ZNF469: variants seen among roughly 807,000 people sequenced by gnomAD.
ZNF469 encodes the protein zinc finger protein 469.
ZNF469 carries 1 observed loss-of-function variant against 1.0 expected under a neutral mutation model. That is an observed-to-expected ratio of 1.00 (90% CI 0.35 to 4.73). The LOEUF (loss-of-function observed/expected upper bound fraction) is 4.73. ZNF469 is among the 30% of genes most tolerant of loss of function. ZNF469 has a pLI of 0.16. For synonymous variants in ZNF469, 2,703 were observed against 2,363.4 expected, an observed-to-expected ratio of 1.14 and a Z score of -4.17; for missense variants, 6,100 against 5,356.3, an observed-to-expected ratio of 1.14 and a Z score of -4.33.
the ZNF469 span, among the ~76,000 whole-genome samples, chr16:88,220,454 A>G: frequency 1.3e-5 from 2 of 152,162 alleles, no homozygotes; most frequent in Non-Finnish European, 2.9e-5. Flanking sequence ...TCTTGCCCGG[A>G]TGAAGTGTGC....
intron 1 of ZNF469, among the ~76,000 whole-genome samples, chr16:88,411,489 C>CAGGGGTGCAAGCAGGCAGGGGTGT (rs1444239329): frequency 4.7e-4 from 3 of 6,392 alleles, no homozygotes; most frequent in African/African-American, 7.1e-4. Context: ...GGCAGGGGTG[C>CAGGGGTGCAAGCAGGCAGGGGTGT]GAGCGGGCAG....
Position 88,437,540 on chromosome 16 carries a change from C to T in ZNF469, c.10070C>T (p.Ala3357Val), listed in dbSNP as rs1257709951. The change falls in exon 3 of 3, where the codon GCG (alanine) becomes GTG (valine). Residue 3357 changes from alanine (A) to valine (V), a missense_variant. Transcript: ENST00000565624. ...PKPFKLQRHL[A>V]VHSPQRVYLC... is the part of the protein sequence containing the mutation. ...CCCTTCAAGCTGCAGCGCCACCTGGCGGTGCACAGCCCGCAGCGCGTCTAC... is the reference window on the plus strand; with the variant it reads ...CCCTTCAAGCTGCAGCGCCACCTGGTGGTGCACAGCCCGCAGCGCGTCTAC... 6 of 1,541,412 alleles carry T rather than the reference C, an allele frequency of 3.9e-6. No individual in the cohort carries two copies. The Admixed American group carries it at 5.9e-5, about 15-fold the overall frequency.
At chr16:88,234,810 T>A in the ZNF469 span, 2 of 152,212 alleles carry the variant, frequency 1.3e-5, no homozygotes, top group Non-Finnish European at 2.9e-5. Flanking sequence ...CAGGCCTCGT[T>A]CCCATCAGAT....
chr16:88,276,425 AG>A, the ZNF469 span: 1 of 152,122 alleles, frequency 6.6e-6, no homozygotes, highest in African/African-American at 2.4e-5. Context: ...TGGTTTCCCC[AG>A]CACCCCCGCC....
At chr16:88,379,093 T>C (rs2092515220), upstream of ZNF469, among the ~76,000 whole-genome samples, 1 of 152,158 alleles carries the variant, frequency 6.6e-6, no homozygotes, top group African/African-American at 2.4e-5. Flanking sequence ...ATGGCGCTGG[T>C]TACTCGGTTT....
chr16:88,234,829 G>C, the ZNF469 span: 226 of 152,346 alleles, frequency 1.5e-3, no homozygotes, highest in African/African-American at 5.2e-3. Flanking sequence ...ATAAAGCCTG[G>C]GGCGGCCGGA....
the ZNF469 span, among the ~76,000 whole-genome samples, chr16:88,263,194 G>A: frequency 2.0e-5 from 3 of 152,176 alleles, no homozygotes; most frequent in East Asian, 3.8e-4. Flanking sequence ...GTTCCCGGAC[G>A]ATACTGCGTC....
At position 88,431,425 on chromosome 16, in the gene ZNF469, C is replaced by A; in HGVS notation, c.3955C>A (p.Pro1319Thr). 1.9e-6 allele frequency: 3 copies of A among 1,550,360 alleles called. No homozygotes were observed. The highest frequency in any genetic ancestry group is 2.4e-5 in the South Asian group (2 of 84,066). Residue 1319 changes from proline to threonine, a missense_variant, in exon 3 of 3, where the codon CCC becomes ACC. Pro to Thr is a conservative substitution (Grantham distance 38). Coordinates refer to ENST00000565624, the MANE Select transcript of ZNF469 (RefSeq NM_001367624.2). ...QAPVSHNSKD[P>T]PARQPGEFLA... ...CCCAGTCTCCCACAACAGCAAGGACCCCCCTGCCCGCCAGCCTGGAGAATT... is the reference window on the plus strand; with the variant it reads ...CCCAGTCTCCCACAACAGCAAGGACACCCCTGCCCGCCAGCCTGGAGAATT...
At chr16:88,208,803 A>ACACACACACACACTCTCT in the ZNF469 span, among the ~76,000 whole-genome samples, 11 of 123,656 alleles carry the variant, frequency 8.9e-5, no homozygotes, top group Admixed American at 4.9e-4. Flanking sequence ...ACACACACAC[A>ACACACACACACACTCTCT]CTCTCTCTCT....
the ZNF469 span, among the ~76,000 whole-genome samples, chr16:88,121,075 C>T: frequency 2.1e-5 from 3 of 144,358 alleles, no homozygotes; most frequent in Admixed American, 7.1e-5. Context: ...CTGGTGGGTG[C>T]TGCATGAGGC....
At chr16:88,393,291 G>GGTCA (rs1374974670) in intron 1 of ZNF469, among the ~76,000 whole-genome samples, 1 of 152,262 alleles carries the variant, frequency 6.6e-6, no homozygotes, top group Non-Finnish European at 1.5e-5. Flanking sequence ...CCCACAGCAG[G>GGTCA]GTCAGCCCAG....
chr16:88,285,034 G>A, the ZNF469 span, among the ~76,000 whole-genome samples: 4 of 152,388 alleles, frequency 2.6e-5, no homozygotes, highest in African/African-American at 9.6e-5. Flanking sequence ...CTAGGGCCGG[G>A]TCTCAGGTTC....
the ZNF469 span, among the ~76,000 whole-genome samples, chr16:88,130,988 G>A: frequency 6.6e-6 from 1 of 152,228 alleles, no homozygotes; most frequent in African/African-American, 2.4e-5. Flanking sequence ...GGGTGCGAGG[G>A]GCGTGTGCTT....
In ZNF469 at chr16:88,432,078, C is replaced by T. The variant is rs746198528; in HGVS notation, c.4608C>T (p.Pro1536=). Residue 1536 remains proline (P), a synonymous_variant, in exon 3 of 3, where the codon CCC becomes CCT. Transcript: ENST00000565624. ...KTCPPERTVV[P]GAAPSLPGKG... is the part of the protein sequence containing the mutation. ...GTCCCCCTGAACGGACAGTGGTTCC[C>T]GGCGCCGCCCCATCTTTGCCTGGGA... 47 of 1,550,372 alleles carry T rather than the reference C, an allele frequency of 3.0e-5. No homozygotes were observed. Among genetic ancestry groups the T allele is most frequent in the Non-Finnish European group, 3.5e-5 (40 of 1,147,008 alleles).
chr16:88,175,207 T>C, the ZNF469 span, among the ~76,000 whole-genome samples: 2 of 152,174 alleles, frequency 1.3e-5, no homozygotes, highest in Admixed American at 1.3e-4. Context: ...CAGCAGCACC[T>C]AGAATAGATT....
chr16:88,149,099 G>T, the ZNF469 span, among the ~76,000 whole-genome samples: 3 of 151,684 alleles, frequency 2.0e-5, no homozygotes, highest in Admixed American at 2.0e-4. Context: ...TGGTTCATTT[G>T]TCATTGTTCA....
the ZNF469 span, among the ~76,000 whole-genome samples, chr16:88,331,038 A>G: frequency 1.7e-5 from 2 of 118,894 alleles, no homozygotes; most frequent in Admixed American, 7.8e-5. Flanking sequence ...TATTACCACC[A>G]TCATCACCAT....
At chr16:88,342,627 C>T in the ZNF469 span, among the ~76,000 whole-genome samples, 39 of 152,200 alleles carry the variant, frequency 2.6e-4, no homozygotes, top group Non-Finnish European at 2.9e-4. Flanking sequence ...CATGCAGAGG[C>T]GGCTCTGAGC....
chr16:88,146,127 G>T, the ZNF469 span, among the ~76,000 whole-genome samples: 1 of 152,214 alleles, frequency 6.6e-6, no homozygotes, highest in Non-Finnish European at 1.5e-5. Flanking sequence ...CTGTAATGCC[G>T]GAACCACCAG....
Sources: allele counts gnomAD v4.1 joint callset (sites outside exome capture counted in the v4.1 genomes callset), GRCh38; gene constraint gnomAD v4.1.1; transcripts MANE v1.5; gene names NCBI Gene and HGNC (gene_info 2026-07-23, HGNC 2026-07-21).